Variants in ADAMTS6 observed in about 807,000 individuals in gnomAD.
The protein encoded by ADAMTS6 is A disintegrin and metalloproteinase with thrombospondin motifs 6.
Under a neutral mutation model 144.3 loss-of-function variants are expected in ADAMTS6, and 23 were observed. That is an observed-to-expected ratio of 0.16 (90% CI 0.11 to 0.23). The LOEUF (loss-of-function observed/expected upper bound fraction) is 0.23. Among genes scored for constraint, ADAMTS6 ranks in the 10% least tolerant of loss-of-function variants. The pLI is 1.00. For missense variants in ADAMTS6, 999 were observed against 1,379.6 expected (o/e 0.72, Z 4.37); for synonymous variants, 444 against 457.5 (o/e 0.97, Z 0.38).
intron 24 of ADAMTS6, among the ~76,000 whole-genome samples, chr5:65,152,730 G>A (rs1042457330): frequency 6.6e-6 from 1 of 152,214 alleles, no homozygotes; most frequent in Non-Finnish European, 1.5e-5. Flanking sequence ...TGAGGGTCCA[G>A]TGTAGAGAAA....
At chr5:65,289,900 A>C (rs1177349913) in intron 11 of ADAMTS6, among the ~76,000 whole-genome samples, 1 of 152,204 alleles carries the variant, frequency 6.6e-6, no homozygotes, top group Non-Finnish European at 1.5e-5. Context: ...TTAATCCGTA[A>C]GTATATATAG....
intron 7 of ADAMTS6, among the ~76,000 whole-genome samples, chr5:65,360,977 G>A (rs1315246181): frequency 6.6e-6 from 1 of 151,854 alleles, no homozygotes; most frequent in African/African-American, 2.4e-5. Context: ...TCTTTATCAC[G>A]TCAGGTCTCC....
chr5:65,155,066 A>G (rs1017572679), intron 24 of ADAMTS6, among the ~76,000 whole-genome samples: 16 of 152,194 alleles, frequency 1.1e-4, no homozygotes, highest in African/African-American at 3.9e-4. Context: ...TGGCCTGACT[A>G]GAAGAATCAG....
intron 12 of ADAMTS6, among the ~76,000 whole-genome samples, chr5:65,263,348 T>C (rs1304671310): frequency 6.6e-6 from 1 of 150,608 alleles, no homozygotes. Flanking sequence ...ATTAGACTCA[T>C]GGAATGATAA....
intron 7 of ADAMTS6, among the ~76,000 whole-genome samples, chr5:65,407,099 G>C (rs906335307): frequency 2.6e-5 from 4 of 152,026 alleles, no homozygotes; most frequent in Non-Finnish European, 5.9e-5. Context: ...AACCTAGCAA[G>C]GCAAGCCAAC....
At chr5:65,232,784 T>C (rs879717282) in intron 15 of ADAMTS6, among the ~76,000 whole-genome samples, 1 of 151,698 alleles carries the variant, frequency 6.6e-6, no homozygotes, top group Admixed American at 6.6e-5. Flanking sequence ...GAAGAATTAA[T>C]ACCAATTTTT....
chr5:65,191,165 A>C (rs1465359317), intron 21 of ADAMTS6, among the ~76,000 whole-genome samples: 1 of 152,062 alleles, frequency 6.6e-6, no homozygotes, highest in African/African-American at 2.4e-5. Flanking sequence ...CTTTATCTTC[A>C]CAAGTCCTTC....
At chr5:65,300,510 C>A (rs2112798819) in intron 9 of ADAMTS6, among the ~76,000 whole-genome samples, 1 of 152,276 alleles carries the variant, frequency 6.6e-6, no homozygotes, top group Middle Eastern at 3.4e-3. Context: ...GCAGAACCTG[C>A]CTTTTAACAT....
chr5:65,155,756 C>T (rs7702887), intron 24 of ADAMTS6, among the ~76,000 whole-genome samples: 113,343 of 152,092 alleles, frequency 0.75, 43,061 homozygotes, highest in African/African-American at 0.88. Context: ...AGCATCTAAA[C>T]GCAAGAAGTT....
At chr5:65,299,927 C>T (rs905822307) in intron 10 of ADAMTS6, 58 bp downstream of exon 10, 7 of 1,560,968 alleles carry the variant, frequency 4.5e-6, no homozygotes, top group East Asian at 2.3e-5. Context: ...ACATGTTAGG[C>T]TTCTACCAGT....
At chr5:65,196,680 A>G (rs1180230495) in intron 21 of ADAMTS6, among the ~76,000 whole-genome samples, 1 of 152,042 alleles carries the variant, frequency 6.6e-6, no homozygotes, top group African/African-American at 2.4e-5. Flanking sequence ...CAATTATTAT[A>G]GTAAGACACC....
At chr5:65,363,736 A>G (rs1445395201) in intron 7 of ADAMTS6, among the ~76,000 whole-genome samples, 2 of 152,198 alleles carry the variant, frequency 1.3e-5, no homozygotes, top group South Asian at 4.1e-4. Context: ...TATTCAATTA[A>G]GAATAAGAGA....
chr5:65,275,316 AAG>A (rs765575397), intron 11 of ADAMTS6, among the ~76,000 whole-genome samples: 5 of 148,842 alleles, frequency 3.4e-5, no homozygotes, highest in Admixed American at 2.0e-4. Flanking sequence ...GATGGAAAGA[AAG>A]AGAGAGAGAC....
intron 7 of ADAMTS6, among the ~76,000 whole-genome samples, chr5:65,399,173 T>C (rs896556777): frequency 6.6e-6 from 1 of 151,902 alleles, no homozygotes; most frequent in African/African-American, 2.4e-5. Flanking sequence ...AGGAGAATTG[T>C]TGAACTCGGA....
chr5:65,385,721 T>C (rs1752420998), intron 7 of ADAMTS6, among the ~76,000 whole-genome samples: 2 of 152,200 alleles, frequency 1.3e-5, no homozygotes, highest in Admixed American at 6.5e-5. Context: ...TCCTTTGCTA[T>C]GGCATGATCT....
chr5:65,236,582 TG>T (rs1758687420), intron 15 of ADAMTS6, among the ~76,000 whole-genome samples: 1 of 152,188 alleles, frequency 6.6e-6, no homozygotes, highest in African/African-American at 2.4e-5. Context: ...CCACCACACC[TG>T]GCCCATTCTC....
chr5:65,466,003 C>T (rs1352646723), intron 3 of ADAMTS6, among the ~76,000 whole-genome samples: 2 of 152,206 alleles, frequency 1.3e-5, no homozygotes, highest in Non-Finnish European at 2.9e-5. Context: ...GAACTCCAGA[C>T]TGACATATCC....
intron 7 of ADAMTS6, among the ~76,000 whole-genome samples, chr5:65,355,636 T>G (rs1158598553): frequency 6.6e-6 from 1 of 151,864 alleles, no homozygotes; most frequent in Non-Finnish European, 1.5e-5. Context: ...AAAGCCAATT[T>G]GGATAAATAG....
intron 9 of ADAMTS6, among the ~76,000 whole-genome samples, chr5:65,328,217 C>T (rs1746357715): frequency 6.6e-6 from 1 of 151,978 alleles, no homozygotes; most frequent in Admixed American, 6.6e-5. Flanking sequence ...ATGCAGCCGA[C>T]TGACCCAATT....
Sources: gnomAD v4.1 joint callset for allele counts (sites outside exome capture counted in the v4.1 genomes callset) on GRCh38, gnomAD v4.1.1 for gene constraint, MANE v1.5 for transcripts, NCBI Gene and HGNC (gene_info 2026-07-23, HGNC 2026-07-21) for gene names.